Variants in LOXL2 observed in about 807,000 individuals in gnomAD.
LOXL2 encodes the protein lysyl oxidase like 2.
In LOXL2, 70 loss-of-function variants were observed where a neutral mutation model predicts 93.0. The observed-to-expected ratio is 0.75, with a 90% CI of 0.62 to 0.92. The LOEUF is 0.92. Among genes scored for constraint, LOXL2 ranks in the 40% least tolerant of loss-of-function variants. The probability of loss-of-function intolerance (pLI) is 0.00; values close to 1 mark genes in which losing one functional copy is unlikely to be tolerated. For missense variants in LOXL2, 973 were observed against 1,054.9 expected, an observed-to-expected ratio of 0.92 and a Z score of 1.08; for synonymous variants, 438 against 413.2, an observed-to-expected ratio of 1.06 and a Z score of -0.73.
intron 3 of LOXL2, among the ~76,000 whole-genome samples, chr8:23,359,485 C>T (rs1356842844): frequency 1.3e-5 from 2 of 152,164 alleles, no homozygotes; most frequent in Non-Finnish European, 2.9e-5. Flanking sequence ...GGGCTGCAGT[C>T]TACAGCTAGC....
intron 6 of LOXL2, among the ~76,000 whole-genome samples, chr8:23,324,239 G>A (rs561616245): frequency 4.6e-5 from 7 of 152,160 alleles, no homozygotes; most frequent in East Asian, 1.9e-4. Context: ...GTAAACTTGC[G>A]TGGCTGTCTC....
In LOXL2 at chr8:23,309,724, C is replaced by T; in HGVS notation, c.1824G>A (p.Gln608=). 1 of 1,581,134 alleles carries T rather than the reference C, an allele frequency of 6.3e-7. No homozygotes were observed. Among genetic ancestry groups the T allele is most frequent in the Non-Finnish European group, 8.6e-7 (1 of 1,162,970 alleles). The part of the protein sequence containing the change: ...RFSSQIHNNG[Q]SDFRPKNGRH... ...GGCCGTTCTTGGGCCGGAAGTCGGA[C>T]TGGCCATTGTTGTGGATCTGGGAGG... The change falls in exon 10 of 14, where the codon CAG becomes CAA. Residue 608 remains glutamine (Q), a synonymous_variant. Coordinates refer to ENST00000389131, the MANE Select transcript of LOXL2 (RefSeq NM_002318.3).
At chr8:23,401,602 TTCTC>T (rs10543454) in intron 1 of LOXL2, among the ~76,000 whole-genome samples, 31,404 of 152,122 alleles carry the variant, frequency 0.21, 3,546 homozygotes, top group South Asian at 0.26. Flanking sequence ...CATTATACCC[TTCTC>T]TCTACTTTTT....
chr8:23,317,050 G>T lies in LOXL2; in HGVS notation c.1535C>A (p.Ser512Ter). Residue 512 changes from serine to a stop codon, truncating the protein, a stop_gained, in exon 9 of 14, where the codon TCG (serine) becomes TAG (stop). Transcript: ENST00000389131. LOFTEE classifies it high-confidence loss of function. ...GTGCGCCAGGGACAGCTCCGTTCCC[G>T]AGCACTTCACTCCACTCATGACCAC... ...NKVVMSGVKC[S>*]GTELSLAHCR... 1 of 1,614,182 alleles carries T rather than the reference G, an allele frequency of 6.2e-7. No individual in the cohort carries two copies. Among genetic ancestry groups the T allele is most frequent in the East Asian group, 2.2e-5 (1 of 44,874 alleles).
At chr8:23,333,737 C>T (rs1018529469) in intron 4 of LOXL2, 114 bp from the exon 5 acceptor site, 1 of 816,858 alleles carries the variant, frequency 1.2e-6, no homozygotes, top group Admixed American at 2.3e-5. Flanking sequence ...CTCAGCCCTG[C>T]TTCACAGAGG....
chr8:23,313,839 T>C (rs886466998), intron 9 of LOXL2, among the ~76,000 whole-genome samples: 18 of 151,766 alleles, frequency 1.2e-4, no homozygotes, highest in African/African-American at 4.1e-4. Flanking sequence ...CAAAAGAAAC[T>C]ACCATCAGAG....
At chr8:23,310,176 C>T (rs746355386) in intron 9 of LOXL2, among the ~76,000 whole-genome samples, 7 of 152,204 alleles carry the variant, frequency 4.6e-5, no homozygotes, top group African/African-American at 9.7e-5. Context: ...AGGCTACGAG[C>T]GAAGCACAGA....
At chr8:23,303,052 C>T (rs915919330) in intron 11 of LOXL2, among the ~76,000 whole-genome samples, 2 of 152,018 alleles carry the variant, frequency 1.3e-5, no homozygotes, top group East Asian at 1.9e-4. Context: ...CCCTGTGGAC[C>T]GACCAGTGCC....
chr8:23,298,648 C>T (rs547777190), intron 13 of LOXL2, among the ~76,000 whole-genome samples, 188 bp downstream of exon 13: 2 of 152,310 alleles, frequency 1.3e-5, no homozygotes, highest in East Asian at 1.9e-4. Context: ...TATCCGTGGC[C>T]GGAGCTGGCT....
intron 1 of LOXL2, among the ~76,000 whole-genome samples, chr8:23,397,979 A>T (rs1274107145): frequency 6.6e-6 from 1 of 151,670 alleles, no homozygotes; most frequent in South Asian, 2.1e-4. Context: ...AAAAAAAAAA[A>T]AAAAAAGAAA....
At chr8:23,352,202 G>C (rs6995162) in intron 3 of LOXL2, among the ~76,000 whole-genome samples, 45,444 of 151,900 alleles carry the variant, frequency 0.3, 8,705 homozygotes, top group African/African-American at 0.54. Context: ...CCAGACAGTT[G>C]AGCAAAACTG....
chr8:23,395,828 C>G (rs1800082061), intron 1 of LOXL2, among the ~76,000 whole-genome samples: 2 of 152,088 alleles, frequency 1.3e-5, no homozygotes, highest in Admixed American at 6.6e-5. Flanking sequence ...CGTGCACCAC[C>G]ATGACTGGCT....
intron 10 of LOXL2, 72 bp from the exon 11 acceptor site, chr8:23,303,469 G>A (rs1803174727): frequency 1.1e-6 from 1 of 887,200 alleles, no homozygotes; most frequent in Non-Finnish European, 1.9e-6. Flanking sequence ...AGGCCTGGCT[G>A]GCGATTTGCC....
chr8:23,349,062 C>T (rs751580590), intron 3 of LOXL2, among the ~76,000 whole-genome samples: 30 of 152,236 alleles, frequency 2.0e-4, no homozygotes, highest in Non-Finnish European at 1.5e-4. Flanking sequence ...TGCAGACCTT[C>T]GTGACCCTCT....
Position 23,296,925 on chromosome 8 carries a change from A to G in LOXL2, c.*1118T>C, listed in dbSNP as rs1563181893. ...GTTTCAGTAAAAACCACAGGAGTTCAAGAAAGATTATGACTCCTGTTCCGT... is the reference window on the plus strand; with the variant it reads ...GTTTCAGTAAAAACCACAGGAGTTCGAGAAAGATTATGACTCCTGTTCCGT... On this transcript the variant is annotated 3_prime_UTR_variant, in exon 14 of 14. Coordinates refer to ENST00000389131, the MANE Select transcript of LOXL2 (RefSeq NM_002318.3). 6.6e-6 allele frequency among the ~76,000 whole-genome samples: 1 copy of G among 152,334 alleles called. No individual in the cohort carries two copies. Among genetic ancestry groups the G allele is most frequent in the East Asian group, 1.9e-4 (1 of 5,186 alleles).
At chr8:23,397,919 C>T (rs1800112202) in intron 1 of LOXL2, among the ~76,000 whole-genome samples, 1 of 145,426 alleles carries the variant, frequency 6.9e-6, no homozygotes, top group Admixed American at 7.0e-5. Flanking sequence ...TGAGATTGCA[C>T]CACTGCACTC....
chr8:23,351,059 C>T (rs1484848451), intron 3 of LOXL2, among the ~76,000 whole-genome samples: 1 of 152,172 alleles, frequency 6.6e-6, no homozygotes, highest in East Asian at 1.9e-4. Flanking sequence ...GACTGTTTCT[C>T]CACTGCTGGA....
At chr8:23,302,600 G>A (rs1325241630) in intron 11 of LOXL2, among the ~76,000 whole-genome samples, 2 of 152,230 alleles carry the variant, frequency 1.3e-5, no homozygotes, top group Non-Finnish European at 2.9e-5. Context: ...ATGGTAAGAG[G>A]TCAACACCTG....
chr8:23,343,067 T>C (rs1287096692), intron 3 of LOXL2, among the ~76,000 whole-genome samples: 1 of 152,164 alleles, frequency 6.6e-6, no homozygotes, highest in Admixed American at 6.5e-5. Context: ...AAAACACAGA[T>C]CTAACCTTGT....
Sources: gnomAD v4.1 joint callset for allele counts (sites outside exome capture counted in the v4.1 genomes callset) on GRCh38, gnomAD v4.1.1 for gene constraint, MANE v1.5 for transcripts, NCBI Gene and HGNC (gene_info 2026-07-23, HGNC 2026-07-21) for gene names.